Variants in ROBO2 observed in about 807,000 individuals in gnomAD.
The protein encoded by ROBO2 is roundabout homolog 2.
Under a neutral mutation model 160.8 loss-of-function variants are expected in ROBO2, and 53 were observed. That is an observed-to-expected ratio of 0.33 (90% confidence interval 0.26 to 0.41). The LOEUF is 0.41. Among genes scored for constraint, ROBO2 ranks in the 10% least tolerant of loss-of-function variants. The pLI, the probability that ROBO2 is intolerant of heterozygous loss-of-function variation, is 1.00. For missense variants in ROBO2, 1,577 were observed against 1,722.4 expected, an observed-to-expected ratio of 0.92 and a Z score of 1.49; for synonymous variants, 664 against 611.7, an observed-to-expected ratio of 1.09 and a Z score of -1.26.
At chr3:77,199,981 G>A (rs1170379336) in intron 2 of ROBO2, among the ~76,000 whole-genome samples, 3 of 151,330 alleles carry the variant, frequency 2.0e-5, no homozygotes, top group South Asian at 2.1e-4. Context: ...ATATTGTAAT[G>A]GAAATATTCT....
intron 2 of ROBO2, among the ~76,000 whole-genome samples, chr3:76,280,579 T>C (rs1346808266): frequency 6.6e-6 from 1 of 152,046 alleles, no homozygotes; most frequent in Admixed American, 6.6e-5. Flanking sequence ...TATGCCTTAA[T>C]AGACGAATCC....
At chr3:77,132,697 A>G (rs2075959179) in intron 2 of ROBO2, among the ~76,000 whole-genome samples, 1 of 146,432 alleles carries the variant, frequency 6.8e-6, no homozygotes, top group African/African-American at 2.5e-5. Flanking sequence ...TTGGCCACTG[A>G]TTTTTTTTTT....
intron 2 of ROBO2, among the ~76,000 whole-genome samples, chr3:76,288,021 A>G (rs1708607734): frequency 6.6e-6 from 1 of 152,246 alleles, no homozygotes. Context: ...AATCTGTTCT[A>G]CTGAAAATAA....
intron 2 of ROBO2, among the ~76,000 whole-genome samples, chr3:76,832,672 T>A (rs1042849766): frequency 6.6e-6 from 1 of 151,960 alleles, no homozygotes; most frequent in African/African-American, 2.4e-5. Context: ...GTCAAGAAAA[T>A]AAGCAAGTAC....
At chr3:76,061,318 A>G (rs1341748419) in intron 2 of ROBO2, among the ~76,000 whole-genome samples, 1 of 152,208 alleles carries the variant, frequency 6.6e-6, no homozygotes, top group South Asian at 2.1e-4. Flanking sequence ...TAATTAGGAA[A>G]TGCATCACAT....
At chr3:77,182,142 C>T (rs2080849158) in intron 2 of ROBO2, among the ~76,000 whole-genome samples, 1 of 151,938 alleles carries the variant, frequency 6.6e-6, no homozygotes, top group African/African-American at 2.4e-5. Context: ...CTTTTGTAAC[C>T]ATGATTAACA....
intron 2 of ROBO2, among the ~76,000 whole-genome samples, chr3:76,603,349 AAAATATATATATATAT>A (rs1168008555): frequency 2.5e-4 from 10 of 40,624 alleles, no homozygotes; most frequent in Non-Finnish European, 1.7e-4. Flanking sequence ...AAAAAAAAAA[AAAATATATATATATAT>A]ATATATATAT....
At chr3:77,339,383 G>T (rs1199944579) in intron 2 of ROBO2, among the ~76,000 whole-genome samples, 1 of 152,086 alleles carries the variant, frequency 6.6e-6, no homozygotes, top group Non-Finnish European at 1.5e-5. Context: ...GAGCTTGAAA[G>T]TTCCAAATAT....
intron 2 of ROBO2, among the ~76,000 whole-genome samples, chr3:76,993,067 C>T (rs1479222230): frequency 1.3e-5 from 2 of 152,132 alleles, no homozygotes; most frequent in Non-Finnish European, 2.9e-5. Flanking sequence ...AGCCACCTGC[C>T]TCAGCCTCCC....
intron 2 of ROBO2, among the ~76,000 whole-genome samples, chr3:76,599,004 C>T (rs1367248884): frequency 2.0e-5 from 3 of 151,988 alleles, no homozygotes; most frequent in African/African-American, 7.3e-5. Context: ...AAAAAGTAAC[C>T]TCATCTTTAA....
intron 2 of ROBO2, among the ~76,000 whole-genome samples, chr3:77,355,532 A>G (rs992662403): frequency 6.6e-6 from 1 of 152,094 alleles, no homozygotes; most frequent in African/African-American, 2.4e-5. Flanking sequence ...TCACAGCAGG[A>G]AGGTGCTGAG....
chr3:76,196,313 C>T (rs2107217625), intron 2 of ROBO2, among the ~76,000 whole-genome samples: 1 of 152,166 alleles, frequency 6.6e-6, no homozygotes, highest in East Asian at 1.9e-4. Flanking sequence ...TAATCATTGC[C>T]TTATATAATA....
chr3:76,076,997 G>T (rs912588631), intron 2 of ROBO2, among the ~76,000 whole-genome samples: 2 of 151,946 alleles, frequency 1.3e-5, no homozygotes, highest in Non-Finnish European at 2.9e-5. Context: ...TGTTTAATTC[G>T]GGCTCTACTT....
intron 1 of ROBO2, among the ~76,000 whole-genome samples, chr3:75,926,057 G>GA (rs890343710): frequency 6.6e-5 from 10 of 152,002 alleles, no homozygotes; most frequent in Non-Finnish European, 8.8e-5. Flanking sequence ...CAGTAAAACA[G>GA]AAAAAAAATC....
chr3:76,769,328 G>A (rs1460907326), intron 2 of ROBO2, among the ~76,000 whole-genome samples: 1 of 150,096 alleles, frequency 6.7e-6, no homozygotes, highest in East Asian at 2.0e-4. Flanking sequence ...AGTGGGGTCA[G>A]AGAGTCTGTA....
chr3:76,576,447 A>G (rs1419334320), intron 2 of ROBO2, among the ~76,000 whole-genome samples: 2 of 151,982 alleles, frequency 1.3e-5, no homozygotes, highest in Non-Finnish European at 2.9e-5. Flanking sequence ...TTTAAATCCA[A>G]TCAGTTTGTT....
chr3:76,785,051 G>A (rs897350607), intron 2 of ROBO2, among the ~76,000 whole-genome samples: 4 of 150,910 alleles, frequency 2.7e-5, no homozygotes, highest in Admixed American at 6.6e-5. Context: ...TTGTTTCTAC[G>A]GGGAAATGAG....
exon 1 of ROBO2, chr3:77,040,498 G>T: frequency 7.6e-7 from 1 of 1,307,880 alleles, no homozygotes; most frequent in Middle Eastern, 3.1e-4. Flanking sequence ...AGACACACTC[G>T]AATAATCCCT....
rs183676878 is a variant in ROBO2, at chr3:76,072,257, G to T, written c.109+134655G>T. Among the ~76,000 whole-genome samples the T allele has an allele frequency of 9.9e-5, 15 of 151,104 alleles. No homozygotes were observed. The South Asian group carries it at 1.1e-3, about 11-fold the overall frequency. ...CCCCCGCAAAAAAAAATCTTTGTTG[G>T]TTTTTTTTTCCTTGAGGCATATCAA... On this transcript the variant is annotated intron_variant, in intron 2 of 26. Coordinates refer to the ROBO2 transcript ENST00000487694.
Sources: allele counts gnomAD v4.1 joint callset (sites outside exome capture counted in the v4.1 genomes callset), GRCh38; gene constraint gnomAD v4.1.1; transcripts MANE v1.5; gene names NCBI Gene and HGNC (gene_info 2026-07-23, HGNC 2026-07-21).